The following STARD13 variants were observed in gnomAD, a reference collection of about 807,000 sequenced individuals.
STARD13 encodes stAR-related lipid transfer protein 13.
A neutral mutation model predicts 106.4 loss-of-function variants in STARD13; 62 were observed. The ratio of observed to expected loss-of-function variants is 0.58; its 90% CI spans 0.48 to 0.72. STARD13 has a LOEUF of 0.72. Among genes scored for constraint, STARD13 ranks in the 30% least tolerant of loss-of-function variants. The probability of loss-of-function intolerance (pLI) is 0.00; values close to 1 mark genes in which losing one functional copy is unlikely to be tolerated. For missense variants in STARD13, 1,387 were observed against 1,424.0 expected (o/e 0.97, Z 0.42); for synonymous variants, 565 against 553.0 (o/e 1.02, Z -0.31).
chr13:33,496,820 G>A, the STARD13 span, among the ~76,000 whole-genome samples: 1 of 152,002 alleles, frequency 6.6e-6, no homozygotes, highest in Non-Finnish European at 1.5e-5. Flanking sequence ...AACATCAAAT[G>A]ATAAATTTTC....
chr13:33,582,442 T>C, the STARD13 span, among the ~76,000 whole-genome samples: 1 of 152,120 alleles, frequency 6.6e-6, no homozygotes, highest in Non-Finnish European at 1.5e-5. Context: ...TAAAAAACCC[T>C]CTCTTCTCCA....
intron 1 of STARD13, among the ~76,000 whole-genome samples, chr13:33,325,791 G>A (rs2077767289): frequency 6.6e-6 from 1 of 151,918 alleles, no homozygotes; most frequent in South Asian, 2.1e-4. Flanking sequence ...TCAGGAGATC[G>A]AGACCATCCT....
chr13:33,192,223 CAGTA>C (rs1886301627), intron 1 of STARD13, among the ~76,000 whole-genome samples: 1 of 152,218 alleles, frequency 6.6e-6, no homozygotes, highest in Non-Finnish European at 1.5e-5. Context: ...GCTTTAATTG[CAGTA>C]CTTACTAAAC....
At chr13:33,350,043 A>G (rs934328872) in intron 1 of STARD13, among the ~76,000 whole-genome samples, 8 of 152,136 alleles carry the variant, frequency 5.3e-5, no homozygotes, top group Non-Finnish European at 1.2e-4. Flanking sequence ...GCCCGCCAGC[A>G]TGGAGCACCA....
chr13:33,121,784 A>G (rs1015416381), intron 7 of STARD13, among the ~76,000 whole-genome samples: 2 of 149,262 alleles, frequency 1.3e-5, no homozygotes, highest in South Asian at 4.2e-4. Flanking sequence ...GATTCAAGTG[A>G]TTCTTCTGCC....
intron 1 of STARD13, among the ~76,000 whole-genome samples, chr13:33,304,359 A>G (rs1251985553): frequency 6.6e-6 from 1 of 152,188 alleles, no homozygotes; most frequent in Non-Finnish European, 1.5e-5. Context: ...CTATTTTCAG[A>G]TACCAAAACA....
chr13:33,644,470 C>A, the STARD13 span, among the ~76,000 whole-genome samples: 1 of 152,072 alleles, frequency 6.6e-6, no homozygotes, highest in Admixed American at 6.5e-5. Context: ...GCACAGCGCA[C>A]ACACAGAGAC....
chr13:33,318,456 G>T (rs982785546), intron 1 of STARD13, among the ~76,000 whole-genome samples: 2 of 152,148 alleles, frequency 1.3e-5, no homozygotes, highest in African/African-American at 4.8e-5. Flanking sequence ...AGCCCTAAGT[G>T]TAAGAGTTAA....
the STARD13 span, among the ~76,000 whole-genome samples, chr13:33,574,641 C>A: frequency 2.1e-3 from 326 of 152,048 alleles, 1 homozygote; most frequent in African/African-American, 7.4e-3. Context: ...ACTTGGGAGC[C>A]TGAGGAGGGA....
chr13:33,651,505 G>A, the STARD13 span, among the ~76,000 whole-genome samples: 1 of 152,132 alleles, frequency 6.6e-6, no homozygotes, highest in East Asian at 1.9e-4. Flanking sequence ...AAAAATATCT[G>A]GTTTGGACAA....
At chr13:33,324,931 G>A (rs983345803) in intron 1 of STARD13, among the ~76,000 whole-genome samples, 2 of 152,056 alleles carry the variant, frequency 1.3e-5, no homozygotes, top group African/African-American at 4.8e-5. Flanking sequence ...AGACTGTACC[G>A]GAAATGTCAT....
chr13:33,622,913 T>A, the STARD13 span, among the ~76,000 whole-genome samples: 4 of 129,434 alleles, frequency 3.1e-5, no homozygotes, highest in African/African-American at 1.4e-4. Flanking sequence ...AGCAAAACTC[T>A]GTCTAAAAAA....
chr13:33,477,149 A>G, the STARD13 span, among the ~76,000 whole-genome samples: 1 of 152,246 alleles, frequency 6.6e-6, no homozygotes, highest in Non-Finnish European at 1.5e-5. Context: ...GAGTTTAACA[A>G]AATGCTTATG....
the STARD13 span, among the ~76,000 whole-genome samples, chr13:33,431,392 A>T: frequency 6.6e-6 from 1 of 152,186 alleles, no homozygotes; most frequent in Non-Finnish European, 1.5e-5. Flanking sequence ...ATAAAATGTT[A>T]TTAAAATTAT....
Position 33,113,342 on chromosome 13 carries a change from T to C in STARD13, c.2282-411A>G, listed in dbSNP as rs116284828. 5.2e-4 allele frequency: 191 copies of C among 370,282 alleles called. 2 individuals carry two copies. Among genetic ancestry groups the C allele is most frequent in the African/African-American group, 3.7e-3 (173 of 47,348 alleles). 22.9% of individuals were successfully genotyped at this position (370,282 alleles called of 1,614,324 possible). On this transcript the variant is annotated intron_variant, in intron 8 of 13. Coordinates refer to ENST00000336934, the MANE Select transcript of STARD13 (RefSeq NM_178006.4). ...TGACAGACAGCTTGGGAAGCCACTC[T>C]CAGGATGCCCAAGGCTCCGTGGGAC...
chr13:33,113,302 C>G, intron 8 of STARD13: 5 of 371,758 alleles, frequency 1.3e-5, no homozygotes, highest in South Asian at 1.1e-4. Flanking sequence ...TGGCATCCCT[C>G]TTGCCCATCC....
chr13:33,190,787 T>C (rs1416866257), intron 1 of STARD13, among the ~76,000 whole-genome samples: 1 of 152,166 alleles, frequency 6.6e-6, no homozygotes. Context: ...AGTTTTACCA[T>C]GTTGGCCAGG....
At chr13:33,622,473 A>C in the STARD13 span, among the ~76,000 whole-genome samples, 1 of 152,184 alleles carries the variant, frequency 6.6e-6, no homozygotes, top group South Asian at 2.1e-4. Flanking sequence ...CCCCGTCTCT[A>C]CTAAAAATAC....
chr13:33,670,073 C>T, the STARD13 span, among the ~76,000 whole-genome samples: 1 of 152,142 alleles, frequency 6.6e-6, no homozygotes, highest in Non-Finnish European at 1.5e-5. Context: ...TCTGGATTGG[C>T]TGATCATTTG....
Sources: gnomAD v4.1 joint callset for allele counts (sites outside exome capture counted in the v4.1 genomes callset) on GRCh38, gnomAD v4.1.1 for gene constraint, MANE v1.5 for transcripts, NCBI Gene and HGNC (gene_info 2026-07-23, HGNC 2026-07-21) for gene names.